The following ENOX2 variants were observed in gnomAD, a reference collection of about 807,000 sequenced individuals.
ENOX2 encodes ecto-NOX disulfide-thiol exchanger 2.
Under a neutral mutation model 45.0 loss-of-function variants are expected in ENOX2, and 36 were observed. The ratio of observed to expected loss-of-function variants is 0.80; its 90% CI spans 0.61 to 1.06. The LOEUF (loss-of-function observed/expected upper bound fraction) is 1.06. Among genes scored for constraint, ENOX2 ranks in the 50% least tolerant of loss-of-function variants. ENOX2 has a pLI of 0.00. For missense variants in ENOX2, 423 were observed against 462.5 expected (o/e 0.91, Z 0.78); for synonymous variants, 174 against 152.3 (o/e 1.14, Z -1.05).
chrX:130,704,138 C>T (rs1344886107), intron 3 of ENOX2, among the ~76,000 whole-genome samples: 1 of 111,920 alleles, frequency 8.9e-6, no homozygotes, highest in Non-Finnish European at 1.9e-5. Flanking sequence ...AATTTTTAGC[C>T]ACTATGCTTT....
intron 2 of ENOX2, among the ~76,000 whole-genome samples, chrX:130,816,005 C>CCTG (rs1348695797): frequency 1.8e-3 from 205 of 111,626 alleles, no homozygotes; most frequent in Non-Finnish European, 2.7e-3. Context: ...AGACCCATCT[C>CCTG]ATGTGCAAAG....
chrX:130,719,629 G>A (rs921547985), intron 3 of ENOX2, among the ~76,000 whole-genome samples: 1 of 111,954 alleles, frequency 8.9e-6, no homozygotes, highest in African/African-American at 3.3e-5. Context: ...GCTGAGGGGC[G>A]GCTGCAGCTA....
chrX:130,649,879 A>G (rs752528484), intron 10 of ENOX2, among the ~76,000 whole-genome samples: 91 of 112,094 alleles, frequency 8.1e-4, no homozygotes, highest in Non-Finnish European at 1.1e-3. Context: ...AGAAAAAGGC[A>G]TATTAACTAT....
intron 2 of ENOX2, among the ~76,000 whole-genome samples, chrX:130,812,746 A>G (rs1294641285): frequency 6.2e-5 from 7 of 112,233 alleles, no homozygotes; most frequent in Non-Finnish European, 9.4e-5. Flanking sequence ...CAATCTACAG[A>G]GTAAATGCAA....
intron 9 of ENOX2, among the ~76,000 whole-genome samples, chrX:130,658,543 A>G (rs2036604197): frequency 8.9e-6 from 1 of 111,794 alleles, no homozygotes; most frequent in Non-Finnish European, 1.9e-5. Context: ...AGCTCAGTGA[A>G]CCCCAAGCAG....
chrX:130,734,414 G>A (rs898223902), intron 3 of ENOX2, among the ~76,000 whole-genome samples: 1 of 111,587 alleles, frequency 9.0e-6, no homozygotes, highest in Non-Finnish European at 1.9e-5. Flanking sequence ...CTCTGAAGGA[G>A]ACGAGGGCAG....
intron 2 of ENOX2, among the ~76,000 whole-genome samples, chrX:130,880,615 C>T (rs2078792760): frequency 8.9e-6 from 1 of 112,122 alleles, no homozygotes; most frequent in African/African-American, 3.2e-5. Flanking sequence ...AGTTGTGAGT[C>T]ATGAGTGGCT....
At chrX:130,798,560 G>C (rs1292971639) in intron 2 of ENOX2, among the ~76,000 whole-genome samples, 1 of 112,117 alleles carries the variant, frequency 8.9e-6, no homozygotes, top group Non-Finnish European at 1.9e-5. Flanking sequence ...TGGAAAGAAA[G>C]ATTAGAAGGG....
chrX:130,880,696 G>T (rs1199768886), intron 2 of ENOX2, among the ~76,000 whole-genome samples: 1 of 111,774 alleles, frequency 8.9e-6, no homozygotes, highest in African/African-American at 3.2e-5. Context: ...AAGTGTCTAT[G>T]ACATAAACAT....
At chrX:130,873,598 T>C (rs752010259) in intron 2 of ENOX2, among the ~76,000 whole-genome samples, 24 of 111,901 alleles carry the variant, frequency 2.1e-4, no homozygotes, top group Non-Finnish European at 3.6e-4. Flanking sequence ...TGCACACATA[T>C]GTTAATTGTG....
chrX:130,784,146 C>A (rs2076932710), intron 2 of ENOX2, among the ~76,000 whole-genome samples: 1 of 111,257 alleles, frequency 9.0e-6, no homozygotes, highest in African/African-American at 3.3e-5. Context: ...ATATAGGGGT[C>A]TCTAAAATCA....
rs144213066 is a variant in ENOX2 at position 130,806,757 on chromosome X, C to T, written c.-182-23067G>A. On this transcript the variant is annotated intron_variant, in intron 2 of 14. Coordinates refer to ENST00000394363, the MANE Select transcript of ENOX2 (RefSeq NM_006375.4). The stretch of plus-strand genomic sequence containing the variant: ...AACACCAAATAGCACTCTACAGTTA[C>T]AAAGATGTTTCATATCATTTCATAT... 7.3e-4 allele frequency among the ~76,000 whole-genome samples: 82 copies of T among 112,361 alleles called. 2 individuals are homozygous for T. The highest frequency in any genetic ancestry group is 2.5e-3 in the African/African-American group (78 of 31,009).
At chrX:130,659,650 T>TA (rs1279935531) in intron 9 of ENOX2, among the ~76,000 whole-genome samples, 1 of 112,702 alleles carries the variant, frequency 8.9e-6, no homozygotes. Context: ...TTGTACAACT[T>TA]ACCGCATTAG....
rs189655417 is a variant in ENOX2, at chrX:130,668,040, T to C, written c.695-298A>G. ...ATATATAGGTTTCATGTATTGCAAA[T>C]TTCTTACCCTCTCTGATTGTGTGTG... On this transcript the variant is annotated intron_variant, in intron 7 of 14. Transcript: ENST00000394363. Among the ~76,000 whole-genome samples the C allele has an allele frequency of 1.7e-4, 19 of 109,279 alleles. No individual in the cohort carries two copies. The East Asian group carries it at 4.6e-3, about 27-fold the overall frequency. 94.9% of individuals were successfully genotyped at this position (109,279 alleles called of 115,157 possible).
At chrX:130,740,205 A>G (rs776522405) in intron 3 of ENOX2, among the ~76,000 whole-genome samples, 42 of 111,757 alleles carry the variant, frequency 3.8e-4, no homozygotes, top group African/African-American at 1.3e-3. Flanking sequence ...GTTTGAAACC[A>G]GCCTGGCCAA....
intron 3 of ENOX2, among the ~76,000 whole-genome samples, chrX:130,751,602 G>A (rs1408109441): frequency 9.0e-6 from 1 of 111,516 alleles, no homozygotes; most frequent in Non-Finnish European, 1.9e-5. Flanking sequence ...TGGTTCATAT[G>A]GTAATTCTAT....
intron 3 of ENOX2, among the ~76,000 whole-genome samples, chrX:130,761,621 G>A (rs919855418): frequency 9.0e-6 from 1 of 111,647 alleles, no homozygotes; most frequent in Non-Finnish European, 1.9e-5. Context: ...CTCTGGGGAG[G>A]CCTTAGTGAG....
At chrX:130,723,241 T>C (rs1410805756) in intron 3 of ENOX2, among the ~76,000 whole-genome samples, 1 of 112,322 alleles carries the variant, frequency 8.9e-6, no homozygotes, top group Non-Finnish European at 1.9e-5. Context: ...AAGAACTTTG[T>C]TGGGTTTCCA....
intron 2 of ENOX2, among the ~76,000 whole-genome samples, chrX:130,847,839 A>G (rs1251562858): frequency 8.9e-6 from 1 of 112,162 alleles, no homozygotes; most frequent in Non-Finnish European, 1.9e-5. Flanking sequence ...TAGTTCCAGT[A>G]TTATTCTAGG....
Sources: allele counts gnomAD v4.1 joint callset (sites outside exome capture counted in the v4.1 genomes callset), GRCh38; gene constraint gnomAD v4.1.1; transcripts MANE v1.5; gene names NCBI Gene and HGNC (gene_info 2026-07-23, HGNC 2026-07-21).